Variants in CDH13 observed in about 807,000 individuals in gnomAD.
CDH13 encodes cadherin-13.
In CDH13, 24 loss-of-function variants were observed where a neutral mutation model predicts 63.8. The ratio of observed to expected loss-of-function variants is 0.38; its 90% CI spans 0.27 to 0.53. The LOEUF (loss-of-function observed/expected upper bound fraction) is 0.53. CDH13 is among the 20% of genes least tolerant of loss of function. The pLI is 0.85. For synonymous variants in CDH13, 503 were observed against 355.3 expected (o/e 1.42, Z -4.67); for missense variants, 1,049 against 903.1 (o/e 1.16, Z -2.07).
intron 5 of CDH13, among the ~76,000 whole-genome samples, chr16:83,272,816 C>T (rs917605010): frequency 6.6e-6 from 1 of 152,074 alleles, no homozygotes; most frequent in Non-Finnish European, 1.5e-5. Flanking sequence ...GTTGAGTGGT[C>T]CTAGGAGTTT....
intron 11 of CDH13, among the ~76,000 whole-genome samples, chr16:83,765,188 A>G (rs138513505): frequency 6.6e-6 from 1 of 152,350 alleles, no homozygotes; most frequent in African/African-American, 2.4e-5. Flanking sequence ...CACCTGTACC[A>G]TTGACATTAG....
At chr16:82,898,940 C>T (rs908507348) in intron 2 of CDH13, among the ~76,000 whole-genome samples, 1 of 152,176 alleles carries the variant, frequency 6.6e-6, no homozygotes, top group Non-Finnish European at 1.5e-5. Context: ...TATGGGCTTC[C>T]CTGGAAGGGG....
intron 2 of CDH13, among the ~76,000 whole-genome samples, chr16:82,911,279 C>G (rs538633370): frequency 1.3e-5 from 2 of 152,324 alleles, no homozygotes; most frequent in Admixed American, 1.3e-4. Context: ...GAGTCAGATT[C>G]AGAGTTTATG....
chr16:83,637,072 CTGTT>C (rs1911329946), intron 8 of CDH13, among the ~76,000 whole-genome samples: 1 of 152,152 alleles, frequency 6.6e-6, no homozygotes, highest in Non-Finnish European at 1.5e-5. Flanking sequence ...TGAGACATGT[CTGTT>C]CATGTCCTTT....
chr16:83,501,254 G>A (rs1195412455), intron 7 of CDH13, among the ~76,000 whole-genome samples: 1 of 152,186 alleles, frequency 6.6e-6, no homozygotes, highest in Admixed American at 6.5e-5. Context: ...CTATAGAAAT[G>A]ACCATTGAAA....
At chr16:82,666,522 C>G (rs760889435) in intron 1 of CDH13, among the ~76,000 whole-genome samples, 21 of 152,112 alleles carry the variant, frequency 1.4e-4, no homozygotes, top group Non-Finnish European at 2.1e-4. Context: ...AGGCAGTGGG[C>G]TATAAGGGGA....
intron 4 of CDH13, among the ~76,000 whole-genome samples, chr16:83,127,712 G>T (rs946539436): frequency 1.3e-4 from 20 of 152,270 alleles, no homozygotes; most frequent in African/African-American, 4.3e-4. Flanking sequence ...GGGCGACAGG[G>T]TGAGACTCTG....
intron 6 of CDH13, among the ~76,000 whole-genome samples, chr16:83,441,170 T>C (rs2072469558): frequency 6.6e-6 from 1 of 152,190 alleles, no homozygotes; most frequent in South Asian, 2.1e-4. Flanking sequence ...AGTCATCTGG[T>C]CGACTGTGGA....
intron 8 of CDH13, among the ~76,000 whole-genome samples, chr16:83,637,126 A>G (rs1346193009): frequency 1.3e-5 from 2 of 152,188 alleles, no homozygotes; most frequent in Non-Finnish European, 2.9e-5. Flanking sequence ...ACCATTTTAA[A>G]TACAGTTTGA....
intron 6 of CDH13, among the ~76,000 whole-genome samples, chr16:83,421,806 G>C (rs1020734288): frequency 6.6e-6 from 1 of 152,168 alleles, no homozygotes; most frequent in African/African-American, 2.4e-5. Context: ...AACGACATCA[G>C]TGTTCTTTCA....
At chr16:83,525,751 C>T (rs574573966) in intron 7 of CDH13, among the ~76,000 whole-genome samples, 90 of 152,164 alleles carry the variant, frequency 5.9e-4, no homozygotes, top group South Asian at 1.7e-3. Context: ...CTTGGTGGAT[C>T]CACTCTAATC....
intron 5 of CDH13, among the ~76,000 whole-genome samples, chr16:83,279,145 G>C (rs908723250): frequency 6.6e-6 from 1 of 151,624 alleles, no homozygotes; most frequent in South Asian, 2.1e-4. Context: ...ACAGGAAATA[G>C]TTTTAAGTTC....
chr16:83,277,591 C>G (rs922751463), intron 5 of CDH13, among the ~76,000 whole-genome samples: 2 of 152,128 alleles, frequency 1.3e-5, no homozygotes, highest in Non-Finnish European at 2.9e-5. Context: ...TTTGTGCGTT[C>G]ATCCCTCTCA....
chr16:83,104,541 A>G (rs1260931865), intron 3 of CDH13, among the ~76,000 whole-genome samples: 2 of 147,212 alleles, frequency 1.4e-5, no homozygotes, highest in African/African-American at 4.9e-5. Flanking sequence ...TTTAATTAAA[A>G]TGTCTTTAGC....
chr16:83,576,488 G>T (rs1341670833), intron 7 of CDH13, among the ~76,000 whole-genome samples: 1 of 152,104 alleles, frequency 6.6e-6, no homozygotes, highest in African/African-American at 2.4e-5. Flanking sequence ...GTATTTCTTT[G>T]AGTGCCTGTT....
chr16:83,725,699 C>G (rs1212880606), intron 10 of CDH13: 1 of 152,218 alleles, frequency 6.6e-6, no homozygotes, highest in Non-Finnish European at 1.5e-5. Flanking sequence ...GCTTTAATGA[C>G]TAATTTCTAA....
At chr16:83,315,234 G>A (rs1437663720) in intron 5 of CDH13, among the ~76,000 whole-genome samples, 3 of 152,212 alleles carry the variant, frequency 2.0e-5, no homozygotes, top group Non-Finnish European at 4.4e-5. Flanking sequence ...CGCTGAATCC[G>A]AGGAAGGGCC....
At chr16:83,067,314 C>G (rs1006997264) in intron 3 of CDH13, among the ~76,000 whole-genome samples, 2 of 152,144 alleles carry the variant, frequency 1.3e-5, no homozygotes, top group Non-Finnish European at 2.9e-5. Flanking sequence ...CTGAGGAATA[C>G]CTACTGTCTA....
intron 1 of CDH13, among the ~76,000 whole-genome samples, chr16:82,751,498 A>G (rs2034413457): frequency 6.6e-6 from 1 of 151,956 alleles, no homozygotes; most frequent in South Asian, 2.1e-4. Context: ...ACAGCACCTC[A>G]TTGCAACTAG....
Sources: gnomAD v4.1 joint callset for allele counts (sites outside exome capture counted in the v4.1 genomes callset) on GRCh38, gnomAD v4.1.1 for gene constraint, MANE v1.5 for transcripts, NCBI Gene and HGNC (gene_info 2026-07-23, HGNC 2026-07-21) for gene names.